The following SGPL1 variants were observed in gnomAD, a reference collection of about 807,000 sequenced individuals.
SGPL1 encodes SP-lyase 1.
SGPL1 carries 37 observed loss-of-function variants against 68.9 expected under a neutral mutation model. That is an observed-to-expected ratio of 0.54 (90% CI 0.41 to 0.71). SGPL1 has a LOEUF of 0.71. SGPL1 is among the 30% of genes least tolerant of loss of function. SGPL1 has a pLI of 0.00. For synonymous variants in SGPL1, 236 were observed against 248.5 expected (o/e 0.95, Z 0.47); for missense variants, 551 against 704.6 (o/e 0.78, Z 2.47).
intron 5 of SGPL1, chr10:70,857,324 T>A (rs1845982087): frequency 5.7e-6 from 2 of 352,068 alleles, no homozygotes; most frequent in African/African-American, 4.4e-5. Context: ...GTTCCTGCTG[T>A]TAGAAGGCAG....
chr10:70,860,453 AAT>A, intron 7 of SGPL1: 2 of 468,620 alleles, frequency 4.3e-6, no homozygotes, highest in Non-Finnish European at 8.8e-6. Flanking sequence ...ATCATGTTCA[AAT>A]ATTAGTAGTA....
intron 5 of SGPL1, among the ~76,000 whole-genome samples, chr10:70,856,923 A>G (rs1308256747): frequency 6.6e-6 from 1 of 152,232 alleles, no homozygotes; most frequent in African/African-American, 2.4e-5. Flanking sequence ...TATTCTACTC[A>G]GGAACTTTAC....
chr10:70,874,557 C>T (rs1401953862), intron 12 of SGPL1, among the ~76,000 whole-genome samples: 1 of 152,070 alleles, frequency 6.6e-6, no homozygotes, highest in Non-Finnish European at 1.5e-5. Flanking sequence ...AACCCCGTCT[C>T]TACTAAAAAT....
intron 7 of SGPL1, among the ~76,000 whole-genome samples, chr10:70,865,076 C>G (rs966058963): frequency 6.6e-6 from 1 of 152,248 alleles, no homozygotes; most frequent in Non-Finnish European, 1.5e-5. Flanking sequence ...AATAAGGAAA[C>G]CCCCTCAGCT....
At chr10:70,853,551 C>A (rs927201596) in intron 4 of SGPL1, among the ~76,000 whole-genome samples, 1 of 152,170 alleles carries the variant, frequency 6.6e-6, no homozygotes, top group African/African-American at 2.4e-5. Context: ...TTCTGTCTCT[C>A]CTGCTGAAAA....
rs1564614199 is a variant in SGPL1, at chr10:70,815,973, GC to G, written c.-196del. 6.6e-6 allele frequency: 1 copy of G among 151,420 alleles called. No individual in the cohort carries two copies. Among genetic ancestry groups the G allele is most frequent in the Non-Finnish European group, 1.5e-5 (1 of 67,868 alleles). The allele number at this position is 151,420 out of a possible 1,614,324, so 9.4% of individuals were successfully genotyped here. On this transcript the variant is annotated 5_prime_UTR_variant, in exon 1 of 15. Transcript: ENST00000373202. Reference sequence around the variant, plus strand: ...ATTTCCGGGAGGGGCGAGGCCGGCGGCTGCCGGGCCTCCAATCTCGGCGGCG... The same window carrying G: ...ATTTCCGGGAGGGGCGAGGCCGGCGGTGCCGGGCCTCCAATCTCGGCGGCG...
rs1032067893 is a variant in SGPL1 at position 70,880,813 on chromosome 10, A to G, written c.*3478A>G. ...CCTGAGTACCTGGAAACCAGAGAGA[A>G]AGAGGATCCAGGATGTACTTGGATG... is the stretch of plus-strand genomic sequence containing the variant. On this transcript the variant is annotated 3_prime_UTR_variant, in exon 15 of 15. Transcript: ENST00000373202. The G allele has an allele frequency of 2.6e-5, 4 of 152,166 alleles. No homozygotes were observed. The highest frequency in any genetic ancestry group is 1.3e-4 in the Admixed American group (2 of 15,272). The allele number at this position is 152,166 out of a possible 1,614,324, so 9.4% of individuals were successfully genotyped here. A position where few individuals can be genotyped will look rare whatever the true frequency, so the allele number is the denominator to read the frequency against.
intron 2 of SGPL1, among the ~76,000 whole-genome samples, chr10:70,822,279 C>T (rs917266890): frequency 2.0e-5 from 3 of 152,186 alleles, no homozygotes; most frequent in Non-Finnish European, 4.4e-5. Context: ...ATTTGGCAAT[C>T]TCCCAGTGTT....
intron 5 of SGPL1, among the ~76,000 whole-genome samples, chr10:70,856,544 A>G (rs1845966483): frequency 6.6e-6 from 1 of 152,188 alleles, no homozygotes; most frequent in Non-Finnish European, 1.5e-5. Context: ...GAAACCAGTT[A>G]TCTTATTTTT....
At chr10:70,867,805 T>C (rs771676444) in intron 7 of SGPL1, among the ~76,000 whole-genome samples, 6 of 152,220 alleles carry the variant, frequency 3.9e-5, no homozygotes, top group Non-Finnish European at 1.5e-5. Flanking sequence ...ATTAGGATTT[T>C]TGTTTTATTT....
intron 5 of SGPL1, among the ~76,000 whole-genome samples, chr10:70,855,225 C>A: frequency 6.6e-6 from 1 of 152,088 alleles, no homozygotes; most frequent in East Asian, 1.9e-4. Flanking sequence ...ACTATAATTC[C>A]ACTATCAAAG....
intron 2 of SGPL1, among the ~76,000 whole-genome samples, chr10:70,825,656 G>A (rs1400451064): frequency 1.3e-5 from 2 of 152,178 alleles, no homozygotes; most frequent in African/African-American, 4.8e-5. Context: ...GCCTTTAAAA[G>A]TACTGCAGTC....
chr10:70,877,429 C>A lies in SGPL1; in HGVS notation c.*94C>A, dbSNP rs1846413820. ...TGCACAACTTTGACATCTGGTCTTG[C>A]TCCATAGAGCACAACTCAAGATAGA... On this transcript the variant is annotated 3_prime_UTR_variant, in exon 15 of 15. Coordinates refer to ENST00000373202, the MANE Select transcript of SGPL1 (RefSeq NM_003901.4). 2 of 1,239,194 alleles carry A rather than the reference C, an allele frequency of 1.6e-6. No homozygotes were observed. The highest frequency in any genetic ancestry group is 2.3e-6 in the Non-Finnish European group (2 of 853,002). The allele number at this position is 1,239,194 out of a possible 1,614,324, so 76.8% of individuals were successfully genotyped here. A position where few individuals can be genotyped will look rare whatever the true frequency, so the allele number is the denominator to read the frequency against.
intron 2 of SGPL1, among the ~76,000 whole-genome samples, chr10:70,831,277 T>C (rs913592578): frequency 6.6e-6 from 1 of 152,134 alleles, no homozygotes; most frequent in Admixed American, 6.6e-5. Context: ...GTGGGATTTT[T>C]TTCCCCACAC....
At chr10:70,864,166 A>C (rs1846135715) in intron 7 of SGPL1, among the ~76,000 whole-genome samples, 1 of 152,046 alleles carries the variant, frequency 6.6e-6, no homozygotes, top group South Asian at 2.1e-4. Flanking sequence ...AAGTTCCATA[A>C]TTGTTTTTTC....
At chr10:70,867,210 C>G (rs1193761286) in intron 7 of SGPL1, among the ~76,000 whole-genome samples, 1 of 151,980 alleles carries the variant, frequency 6.6e-6, no homozygotes. Context: ...AAAAAAATAG[C>G]CAGGTGGCTA....
intron 3 of SGPL1, among the ~76,000 whole-genome samples, chr10:70,846,351 A>G (rs1405257765): frequency 6.8e-6 from 1 of 147,390 alleles, no homozygotes; most frequent in Non-Finnish European, 1.5e-5. Flanking sequence ...GAGGGGTAGC[A>G]AGAAATATAC....
chr10:70,819,113 A>G (rs1845291104), intron 2 of SGPL1, among the ~76,000 whole-genome samples: 1 of 152,228 alleles, frequency 6.6e-6, no homozygotes, highest in African/African-American at 2.4e-5. Context: ...TATTACTTAT[A>G]GGGCCTATGC....
chr10:70,831,241 C>T (rs558795386), intron 2 of SGPL1, among the ~76,000 whole-genome samples: 16 of 152,302 alleles, frequency 1.1e-4, no homozygotes, highest in South Asian at 2.1e-4. Flanking sequence ...CAACAATCAA[C>T]ACCGAAGACT....
Sources: allele counts gnomAD v4.1 joint callset (sites outside exome capture counted in the v4.1 genomes callset), GRCh38; gene constraint gnomAD v4.1.1; transcripts MANE v1.5; gene names NCBI Gene and HGNC (gene_info 2026-07-23, HGNC 2026-07-21).